Variants in NAV2 observed in about 807,000 individuals in gnomAD.
NAV2 encodes helicase, APC down-regulated 1.
Under a neutral mutation model 223.2 loss-of-function variants are expected in NAV2, and 54 were observed. The observed-to-expected ratio is 0.24, with a 90% CI of 0.19 to 0.30. NAV2 has a LOEUF of 0.30. NAV2 is among the 10% of genes least tolerant of loss of function. The pLI, the probability that NAV2 is intolerant of heterozygous loss-of-function variation, is 1.00. For missense variants in NAV2, 2,806 were observed against 3,147.5 expected, an observed-to-expected ratio of 0.89 and a Z score of 2.60; for synonymous variants, 1,279 against 1,239.3, an observed-to-expected ratio of 1.03 and a Z score of -0.67.
At chr11:19,875,599 A>T (rs1301016175) in intron 4 of NAV2, among the ~76,000 whole-genome samples, 1 of 152,222 alleles carries the variant, frequency 6.6e-6, no homozygotes, top group Non-Finnish European at 1.5e-5. Flanking sequence ...CTGTAGAAAC[A>T]GAAAGCAGAT....
chr11:19,627,505 C>A (rs1565115663), intron 1 of NAV2, among the ~76,000 whole-genome samples: 1 of 152,078 alleles, frequency 6.6e-6, no homozygotes, highest in South Asian at 2.1e-4. Context: ...CTGGTCACAG[C>A]CAGAGAAGCT....
chr11:19,760,904 G>T (rs1041065943), intron 1 of NAV2, among the ~76,000 whole-genome samples: 1 of 152,190 alleles, frequency 6.6e-6, no homozygotes, highest in Non-Finnish European at 1.5e-5. Flanking sequence ...TCTGTCCTGG[G>T]ATCCTATTGC....
chr11:19,721,961 C>T (rs921642011), intron 1 of NAV2, among the ~76,000 whole-genome samples: 3 of 152,294 alleles, frequency 2.0e-5, no homozygotes, highest in Middle Eastern at 3.4e-3. Context: ...TATATGTGCA[C>T]GTCTTTCAAC....
chr11:19,850,051 C>A (rs937372653), intron 3 of NAV2, among the ~76,000 whole-genome samples: 1 of 152,212 alleles, frequency 6.6e-6, no homozygotes, highest in South Asian at 2.1e-4. Context: ...TACACCCCAG[C>A]GAGACCAGAT....
chr11:19,534,806 AG>A (rs2134461311), intron 1 of NAV2, among the ~76,000 whole-genome samples: 1 of 152,324 alleles, frequency 6.6e-6, no homozygotes, highest in South Asian at 2.1e-4. Flanking sequence ...ACAGGACCCA[AG>A]AGGCAATGTA....
At chr11:19,679,036 G>A (rs547794623) in intron 1 of NAV2, among the ~76,000 whole-genome samples, 13 of 152,260 alleles carry the variant, frequency 8.5e-5, no homozygotes, top group South Asian at 2.1e-4. Context: ...ATTACAAAGC[G>A]GTCAGATTAA....
At chr11:19,382,642 TC>T (rs1000984421) in intron 1 of NAV2, among the ~76,000 whole-genome samples, 9 of 152,308 alleles carry the variant, frequency 5.9e-5, no homozygotes, top group South Asian at 2.1e-4. Context: ...TGGCACATCA[TC>T]CCAACAATAG....
At chr11:19,494,179 AG>A (rs2042721160) in intron 1 of NAV2, among the ~76,000 whole-genome samples, 1 of 152,216 alleles carries the variant, frequency 6.6e-6, no homozygotes, top group South Asian at 2.1e-4. Context: ...AGCTGAAAGA[AG>A]TGGCAAGAGG....
intron 23 of NAV2, 50 bp from the exon 24 acceptor site, chr11:20,077,943 C>A: frequency 6.9e-7 from 1 of 1,450,566 alleles, no homozygotes; most frequent in Non-Finnish European, 9.6e-7. Flanking sequence ...TTCAGTTGAA[C>A]TCTGTACAGA....
intron 1 of NAV2, among the ~76,000 whole-genome samples, chr11:19,548,770 C>T (rs1023485774): frequency 3.4e-5 from 5 of 148,560 alleles, no homozygotes; most frequent in African/African-American, 5.0e-5. Context: ...CCCAGCTACT[C>T]GGGAGGTTGA....
chr11:19,713,752 C>G lies in NAV2; in HGVS notation c.57C>G (p.His19Gln). 6.2e-7 allele frequency: 1 copy of G among 1,611,610 alleles called. No individual in the cohort carries two copies. Among genetic ancestry groups the G allele is most frequent in the Non-Finnish European group, 8.5e-7 (1 of 1,178,964 alleles). ...KMKSGLPKPV[H>Q]SAAPILHVPP... ...AGTCGGGACTGCCCAAACCCGTGCACAGCGCCGCGCCCATCCTGCACGTGC... is the reference window on the plus strand; with the variant it reads ...AGTCGGGACTGCCCAAACCCGTGCAGAGCGCCGCGCCCATCCTGCACGTGC... Residue 19 changes from histidine to glutamine, a missense_variant, in exon 1 of 38, where the codon CAC (histidine) becomes CAG (glutamine). Physicochemically the swap from His to Gln is conservative, Grantham distance 24. This residue lies in a region of NAV2 where 1,167 missense variants were observed against 1,180.5 expected (regional missense o/e 0.99). Coordinates refer to ENST00000349880, the MANE Select transcript of NAV2 (RefSeq NM_145117.5). The surrounding 1 kb of genome is among the most constrained non-coding windows in gnomAD (Gnocchi z 7.2).
At chr11:19,946,900 A>G (rs897483295) in intron 9 of NAV2, among the ~76,000 whole-genome samples, 2 of 152,214 alleles carry the variant, frequency 1.3e-5, no homozygotes, top group Non-Finnish European at 2.9e-5. Flanking sequence ...GCACTCTGTA[A>G]TATTGTTAGT....
chr11:19,714,521 C>A (rs1590144715), intron 1 of NAV2: 3 of 455,378 alleles, frequency 6.6e-6, no homozygotes, highest in African/African-American at 4.0e-5. Flanking sequence ...TGACGGGATT[C>A]CGGGCAAGGT....
At chr11:19,934,669 A>T (rs2045686480) in intron 7 of NAV2, among the ~76,000 whole-genome samples, 1 of 152,114 alleles carries the variant, frequency 6.6e-6, no homozygotes, top group African/African-American at 2.4e-5. Context: ...CAACATACTT[A>T]AAAAATAAAT....
At chr11:20,045,797 T>A (rs1201671861) in intron 14 of NAV2, 127 bp downstream of exon 14, 1 of 802,688 alleles carries the variant, frequency 1.2e-6, no homozygotes, top group East Asian at 2.7e-5. Context: ...AGCTGTTTTG[T>A]CAGATCAGGC....
chr11:19,887,949 G>GTT lies in NAV2; in HGVS notation c.771-4474_771-4473dup, dbSNP rs34601696. Among the ~76,000 whole-genome samples the GTT allele has an allele frequency of 4.1e-3, 601 of 147,692 alleles. 6 individuals carry two copies. Among genetic ancestry groups the GTT allele is most frequent in the Middle Eastern group, 7.1e-3 (2 of 282 alleles). On this transcript the variant is annotated intron_variant, in intron 5 of 37. Transcript: ENST00000349880. The stretch of plus-strand genomic sequence containing the variant: ...TGAAGTGGTTTTGGGGGAAAGAACT[G>GTT]TTTTTTTTTTTTGCCATCAGCACGT...
At chr11:19,627,693 G>T (rs2047210473) in intron 1 of NAV2, among the ~76,000 whole-genome samples, 1 of 152,060 alleles carries the variant, frequency 6.6e-6, no homozygotes, top group African/African-American at 2.4e-5. Flanking sequence ...ACATCTCAGA[G>T]CCGAAGGAAG....
At chr11:19,365,961 C>G (rs577632842) in intron 1 of NAV2, among the ~76,000 whole-genome samples, 1 of 152,226 alleles carries the variant, frequency 6.6e-6, no homozygotes, top group Non-Finnish European at 1.5e-5. Flanking sequence ...GGAGAGCCAC[C>G]TTTGCCCTTT....
chr11:19,706,333 C>T (rs1269416665), intron 1 of NAV2, among the ~76,000 whole-genome samples: 1 of 152,112 alleles, frequency 6.6e-6, no homozygotes, highest in African/African-American at 2.4e-5. Flanking sequence ...TGGAACATAC[C>T]TCTTAGAGTT....
Sources: allele counts gnomAD v4.1 joint callset (sites outside exome capture counted in the v4.1 genomes callset), GRCh38; gene constraint gnomAD v4.1.1; regional missense constraint gnomAD v4.1.1; non-coding constraint Gnocchi (gnomAD v3.1); transcripts MANE v1.5; gene names NCBI Gene and HGNC (gene_info 2026-07-23, HGNC 2026-07-21).